Variants in ARL15 observed in about 807,000 individuals in gnomAD.
ARL15 encodes the protein ADP-ribosylation factor-like protein 15.
Under a neutral mutation model 25.2 loss-of-function variants are expected in ARL15, and 19 were observed. That is an observed-to-expected ratio of 0.75 (90% confidence interval 0.53 to 1.10). The LOEUF (loss-of-function observed/expected upper bound fraction) is 1.10, where lower values mean the gene tolerates loss of function less well. ARL15 is among the 50% of genes least tolerant of loss of function. The pLI is 0.00. For synonymous variants in ARL15, 94 were observed against 86.8 expected (o/e 1.08, Z -0.46); for missense variants, 220 against 246.0 (o/e 0.89, Z 0.71).
chr5:54,091,679 G>A lies in ARL15; in HGVS notation c.462+21523C>T, dbSNP rs114178440. Among the ~76,000 whole-genome samples, 707 of 152,182 alleles carry A rather than the reference G, an allele frequency of 4.6e-3. 3 individuals are homozygous for A. Among genetic ancestry groups the A allele is most frequent in the African/African-American group, 0.016 (683 of 41,520 alleles). Reference sequence around the variant, plus strand: ...CCTGTCAACTGACAGTCGGGCTTGTGCCACTAAGAACAAGGGCAGACACAT... The same window carrying A: ...CCTGTCAACTGACAGTCGGGCTTGTACCACTAAGAACAAGGGCAGACACAT... On this transcript the variant is annotated intron_variant, in intron 4 of 4. Coordinates refer to ENST00000504924, the MANE Select transcript of ARL15 (RefSeq NM_019087.3).
chr5:54,107,552 AG>A (rs912417699), intron 4 of ARL15, among the ~76,000 whole-genome samples: 8 of 152,250 alleles, frequency 5.3e-5, no homozygotes, highest in African/African-American at 1.9e-4. Flanking sequence ...GAGGAGATCT[AG>A]GGGTGTAAAC....
At chr5:54,165,631 G>T (rs1754539009) in intron 2 of ARL15, among the ~76,000 whole-genome samples, 1 of 147,316 alleles carries the variant, frequency 6.8e-6, no homozygotes. Flanking sequence ...TATTTTCTTT[G>T]TACTACTTTG....
intron 1 of ARL15, among the ~76,000 whole-genome samples, chr5:54,218,720 G>A (rs892168659): frequency 2.0e-5 from 3 of 152,114 alleles, no homozygotes; most frequent in East Asian, 3.9e-4. Context: ...ATCACCAGCA[G>A]GAAGAGCCAT....
intron 4 of ARL15, among the ~76,000 whole-genome samples, chr5:53,963,844 C>CAG (rs1561167935): frequency 1.3e-5 from 2 of 149,052 alleles, no homozygotes; most frequent in Non-Finnish European, 3.0e-5. Context: ...CACACACACA[C>CAG]ACACATACAC....
At chr5:53,953,871 GAATT>G (rs1481384207) in intron 4 of ARL15, among the ~76,000 whole-genome samples, 1 of 152,096 alleles carries the variant, frequency 6.6e-6, no homozygotes, top group Non-Finnish European at 1.5e-5. Flanking sequence ...ACGCTTTAAT[GAATT>G]ATCTATGATC....
intron 4 of ARL15, among the ~76,000 whole-genome samples, chr5:53,895,061 C>T (rs981117606): frequency 6.6e-5 from 10 of 152,164 alleles, no homozygotes; most frequent in African/African-American, 2.4e-4. Context: ...ATGTCCCACA[C>T]GGCCTAGAAT....
At chr5:53,931,958 T>C (rs1158316355) in intron 4 of ARL15, among the ~76,000 whole-genome samples, 21 of 152,242 alleles carry the variant, frequency 1.4e-4, no homozygotes, top group Non-Finnish European at 4.4e-5. Context: ...AAAATACTTG[T>C]GGATAGGCCA....
chr5:53,888,665 C>G (rs1744621146), intron 4 of ARL15, among the ~76,000 whole-genome samples: 1 of 152,170 alleles, frequency 6.6e-6, no homozygotes, highest in African/African-American at 2.4e-5. Flanking sequence ...CTATTGACAT[C>G]CAAGACAATC....
chr5:53,987,996 C>T (rs1002120498), intron 4 of ARL15, among the ~76,000 whole-genome samples: 1 of 151,826 alleles, frequency 6.6e-6, no homozygotes, highest in Non-Finnish European at 1.5e-5. Flanking sequence ...CCAGCTAATC[C>T]CGAGGCTGAG....
chr5:54,185,257 C>CT, intron 1 of ARL15, among the ~76,000 whole-genome samples: 1 of 152,298 alleles, frequency 6.6e-6, no homozygotes, highest in East Asian at 1.9e-4. Flanking sequence ...GGCTGACCCT[C>CT]TGCCTACACA....
At chr5:54,065,870 A>G (rs1751215335) in intron 4 of ARL15, among the ~76,000 whole-genome samples, 2 of 152,178 alleles carry the variant, frequency 1.3e-5, no homozygotes, top group South Asian at 2.1e-4. Context: ...GTTAATCATA[A>G]TTTCACTTAT....
chr5:53,949,004 A>G (rs1746852786), intron 4 of ARL15, among the ~76,000 whole-genome samples: 1 of 152,228 alleles, frequency 6.6e-6, no homozygotes, highest in South Asian at 2.1e-4. Context: ...TTTTTCCTTA[A>G]GTTTAGAAGT....
rs764508603 is a variant in ARL15, at chr5:54,310,482, G to C, written c.-3C>G. On this transcript the variant is annotated 5_prime_UTR_variant, in exon 1 of 5. Transcript: ENST00000504924. ...TCAGTTATTCGGAGATCAGACATCC[G>C]GCAGCCTAAAGCATCCGGAACGGCT... The C allele has an allele frequency of 1.2e-6, 2 of 1,603,770 alleles. No homozygotes were observed. Among genetic ancestry groups the C allele is most frequent in the Non-Finnish European group, 1.7e-6 (2 of 1,175,540 alleles).
intron 1 of ARL15, among the ~76,000 whole-genome samples, chr5:54,184,261 CAAAA>C (rs201681698): frequency 0.032 from 3,697 of 117,050 alleles, 182 homozygotes; most frequent in African/African-American, 0.11. Context: ...AAAAAAAAAT[CAAAA>C]AAAAAAAAAA....
chr5:53,930,337 A>ATT (rs1428348892), intron 4 of ARL15, among the ~76,000 whole-genome samples: 1 of 152,122 alleles, frequency 6.6e-6, no homozygotes, highest in African/African-American at 2.4e-5. Flanking sequence ...ACCTGCCAAC[A>ATT]TTTCTTGGTC....
intron 4 of ARL15, among the ~76,000 whole-genome samples, chr5:53,893,539 C>T (rs1252564957): frequency 2.6e-5 from 4 of 152,014 alleles, no homozygotes; most frequent in East Asian, 3.9e-4. Flanking sequence ...ACCCGGGAGG[C>T]GGAGCTTGCA....
intron 2 of ARL15, among the ~76,000 whole-genome samples, chr5:54,165,850 A>G (rs1460468555): frequency 1.3e-5 from 2 of 151,998 alleles, no homozygotes; most frequent in African/African-American, 4.8e-5. Flanking sequence ...CTGGAGACCC[A>G]GGAAAGAATC....
chr5:54,023,296 C>CTGTA (rs77218106), intron 4 of ARL15, among the ~76,000 whole-genome samples: 1 of 151,790 alleles, frequency 6.6e-6, no homozygotes, highest in Admixed American at 6.6e-5. Flanking sequence ...TCTAAACAGA[C>CTGTA]ACATTTAAAA....
intron 4 of ARL15, among the ~76,000 whole-genome samples, chr5:54,110,564 G>A (rs1388017175): frequency 6.6e-6 from 1 of 151,904 alleles, no homozygotes; most frequent in Non-Finnish European, 1.5e-5. Context: ...AAATTCACAA[G>A]TATTTTGCAG....
Sources: allele counts gnomAD v4.1 joint callset (sites outside exome capture counted in the v4.1 genomes callset), GRCh38; gene constraint gnomAD v4.1.1; transcripts MANE v1.5; gene names NCBI Gene and HGNC (gene_info 2026-07-23, HGNC 2026-07-21).